LRMDA: variants seen among roughly 807,000 people sequenced by gnomAD.
The protein encoded by LRMDA is leucine-rich melanocyte differentiation-associated protein.
LRMDA carries 18 observed loss-of-function variants against 29.8 expected under a neutral mutation model. The observed-to-expected ratio is 0.60, with a 90% CI of 0.42 to 0.90. The LOEUF (loss-of-function observed/expected upper bound fraction) is 0.90, where lower values mean the gene tolerates loss of function less well. LRMDA is among the 40% of genes least tolerant of loss of function. The probability of loss-of-function intolerance (pLI) is 0.00; values close to 1 mark genes in which losing one functional copy is unlikely to be tolerated. For synonymous variants in LRMDA, 125 were observed against 109.4 expected (o/e 1.14, Z -0.89); for missense variants, 273 against 273.9 (o/e 1.00, Z 0.02).
At chr10:75,435,481 T>C (rs1023748418) in intron 1 of LRMDA, among the ~76,000 whole-genome samples, 9 of 152,258 alleles carry the variant, frequency 5.9e-5, no homozygotes, top group African/African-American at 2.2e-4. Context: ...CCTGGTCGGC[T>C]TAACTCACAT....
chr10:75,869,452 C>T (rs186536717), intron 2 of LRMDA, among the ~76,000 whole-genome samples: 194 of 152,252 alleles, frequency 1.3e-3, no homozygotes, highest in African/African-American at 4.4e-3. Context: ...TATGTTAGCT[C>T]GTCTTATCTT....
chr10:76,036,457 C>T (rs535430552), intron 3 of LRMDA, among the ~76,000 whole-genome samples: 1 of 152,264 alleles, frequency 6.6e-6, no homozygotes, highest in East Asian at 1.9e-4. Context: ...ATAATGTCAC[C>T]GCTGCAGAGG....
At chr10:75,929,176 G>C (rs1429118628) in intron 2 of LRMDA, among the ~76,000 whole-genome samples, 1 of 152,114 alleles carries the variant, frequency 6.6e-6, no homozygotes, top group Non-Finnish European at 1.5e-5. Context: ...ACAGCACAAG[G>C]TAGGGTGTGA....
intron 6 of LRMDA, among the ~76,000 whole-genome samples, chr10:76,419,721 C>A (rs1486025010): frequency 6.6e-6 from 1 of 152,038 alleles, no homozygotes; most frequent in Non-Finnish European, 1.5e-5. Context: ...ACCTGTATAT[C>A]TTCTTTGATA....
rs538229850 is a variant in LRMDA, at chr10:75,812,825, T to C, written c.132-223183T>C. ...ATATGCTTGGGGGCCATATGTTCTGTACATCTTGACCCTGCACCTCTTCCC... is the reference window on the plus strand; with the variant it reads ...ATATGCTTGGGGGCCATATGTTCTGCACATCTTGACCCTGCACCTCTTCCC... On this transcript the variant is annotated intron_variant, in intron 2 of 6. Transcript: ENST00000611255. 6.6e-5 allele frequency among the ~76,000 whole-genome samples: 10 copies of C among 152,362 alleles called. No individual in the cohort carries two copies. The East Asian group carries it at 1.7e-3, about 26-fold the overall frequency.
At chr10:76,177,821 A>G (rs1283226346) in intron 5 of LRMDA, among the ~76,000 whole-genome samples, 4 of 152,246 alleles carry the variant, frequency 2.6e-5, no homozygotes, top group African/African-American at 7.2e-5. Flanking sequence ...CTTCATCTTC[A>G]CAAAAGCTGT....
chr10:75,967,348 CA>C (rs762471549), intron 2 of LRMDA, among the ~76,000 whole-genome samples: 49 of 150,818 alleles, frequency 3.2e-4, no homozygotes, highest in African/African-American at 1.0e-3. Context: ...ACAATTTGTA[CA>C]AAAAAAAATT....
At chr10:76,111,296 G>T (rs1210806639) in intron 5 of LRMDA, among the ~76,000 whole-genome samples, 1 of 152,226 alleles carries the variant, frequency 6.6e-6, no homozygotes, top group Non-Finnish European at 1.5e-5. Flanking sequence ...TCAGGACAGG[G>T]ACCGTATCTT....
chr10:76,403,956 A>G (rs560659361), intron 6 of LRMDA, among the ~76,000 whole-genome samples: 1 of 152,128 alleles, frequency 6.6e-6, no homozygotes, highest in Non-Finnish European at 1.5e-5. Flanking sequence ...GCTCTCCACT[A>G]GTGAAACAGA....
intron 2 of LRMDA, among the ~76,000 whole-genome samples, chr10:75,830,596 G>A (rs1333333609): frequency 6.6e-6 from 1 of 151,096 alleles, no homozygotes; most frequent in Non-Finnish European, 1.5e-5. Context: ...CAGATCTTGT[G>A]AGGCCCATTC....
chr10:76,373,457 G>T (rs777650648), intron 6 of LRMDA, among the ~76,000 whole-genome samples: 8 of 152,212 alleles, frequency 5.3e-5, no homozygotes, highest in East Asian at 1.9e-4. Context: ...TATAATAGGA[G>T]TTTGTAGTAT....
intron 2 of LRMDA, among the ~76,000 whole-genome samples, chr10:75,754,884 G>A (rs915425642): frequency 6.6e-6 from 1 of 152,046 alleles, no homozygotes; most frequent in African/African-American, 2.4e-5. Flanking sequence ...GCCATAGATT[G>A]TTGCTGGATA....
At chr10:76,137,396 C>T (rs907233074) in intron 5 of LRMDA, among the ~76,000 whole-genome samples, 2 of 152,112 alleles carry the variant, frequency 1.3e-5, no homozygotes, top group Non-Finnish European at 2.9e-5. Flanking sequence ...ATGATAGCCT[C>T]CAATTATTCA....
intron 5 of LRMDA, among the ~76,000 whole-genome samples, chr10:76,112,804 CAG>C (rs897497345): frequency 3.8e-4 from 2 of 5,296 alleles, no homozygotes; most frequent in Non-Finnish European, 3.3e-4. Flanking sequence ...TGACAGAAGG[CAG>C]AGTTTTTCTC....
chr10:76,427,367 T>C (rs1417200689), intron 6 of LRMDA, among the ~76,000 whole-genome samples: 2 of 152,094 alleles, frequency 1.3e-5, no homozygotes, highest in Non-Finnish European at 2.9e-5. Flanking sequence ...TTGAAGCAAT[T>C]GTGAATGGGA....
chr10:75,955,804 G>T (rs1037481218), intron 2 of LRMDA, among the ~76,000 whole-genome samples: 6 of 152,130 alleles, frequency 3.9e-5, no homozygotes. Flanking sequence ...GCTGAGTTAT[G>T]CATGGGAGAA....
chr10:76,423,800 A>G (rs1447578782), intron 6 of LRMDA, among the ~76,000 whole-genome samples: 2 of 152,130 alleles, frequency 1.3e-5, no homozygotes, highest in South Asian at 2.1e-4. Context: ...GGTGGACCCT[A>G]ATCAACCGAG....
intron 2 of LRMDA, among the ~76,000 whole-genome samples, chr10:75,826,088 T>G (rs1369035349): frequency 6.6e-6 from 1 of 152,188 alleles, no homozygotes; most frequent in Non-Finnish European, 1.5e-5. Context: ...TTCATTCTTA[T>G]AACATAGGTG....
chr10:76,132,835 C>T (rs1302547092), intron 5 of LRMDA, among the ~76,000 whole-genome samples: 1 of 151,878 alleles, frequency 6.6e-6, no homozygotes, highest in Non-Finnish European at 1.5e-5. Context: ...CAGAGTTTCG[C>T]TCTGTTGACC....
Sources: gnomAD v4.1 joint callset for allele counts (sites outside exome capture counted in the v4.1 genomes callset) on GRCh38, gnomAD v4.1.1 for gene constraint, MANE v1.5 for transcripts, NCBI Gene and HGNC (gene_info 2026-07-23, HGNC 2026-07-21) for gene names.